The following TRIM41 variants were observed in gnomAD, a reference collection of about 807,000 sequenced individuals.
The protein encoded by TRIM41 is tripartite motif containing 41.
Under a neutral mutation model 60.6 loss-of-function variants are expected in TRIM41, and 21 were observed. The observed-to-expected ratio is 0.35, with a 90% CI of 0.25 to 0.50. The LOEUF is 0.50. Among genes scored for constraint, TRIM41 ranks in the 20% least tolerant of loss-of-function variants. The probability of loss-of-function intolerance (pLI) is 0.98; values close to 1 mark genes in which losing one functional copy is unlikely to be tolerated. For missense variants in TRIM41, 846 were observed against 868.3 expected (o/e 0.97, Z 0.32); for synonymous variants, 407 against 344.9 (o/e 1.18, Z -2.00).
rs370126203 is a variant in TRIM41 at position 181,234,291 on chromosome 5, C to T, written c.1409C>T (p.Ser470Leu). Reference protein sequence around the residue: ...QEVADHPKRFSADCCVLGAQG... With the variant: ...QEVADHPKRFLADCCVLGAQG... The stretch of plus-strand genomic sequence containing the variant: ...GTTGCTGACCATCCCAAGCGCTTCT[C>T]GGCCGACTGCTGCGTACTGGGGGCC... The change falls in exon 6 of 6, where the codon TCG becomes TTG. Residue 470 changes from serine (S) to leucine (L), a missense_variant. By Grantham distance (145) the Ser-to-Leu change is moderately radical. Transcript: ENST00000315073. This position sits in a 1 kb window ranked among gnomAD's most constrained non-coding sequence, Gnocchi z 5.6. 1.4e-4 allele frequency: 220 copies of T among 1,612,758 alleles called. No individual in the cohort carries two copies. Among genetic ancestry groups the T allele is most frequent in the Middle Eastern group, 8.3e-4 (5 of 6,044 alleles).
rs2113134305 is a variant in TRIM41, at chr5:181,223,291, T to TCGGCTGTGGGGAGTAC, written c.-702_-687dup. 1 of 398,870 alleles carries TCGGCTGTGGGGAGTAC rather than the reference T, an allele frequency of 2.5e-6. No homozygotes were observed. The highest frequency in any genetic ancestry group is 4.4e-6 in the Non-Finnish European group (1 of 226,216). 24.7% of individuals were successfully genotyped at this position (398,870 alleles called of 1,614,324 possible). On this transcript the variant is annotated 5_prime_UTR_variant, in exon 1 of 6. Coordinates refer to ENST00000315073, the MANE Select transcript of TRIM41 (RefSeq NM_033549.5). ...CGGACCCACCCCCTCGCTTCCGGCA[T>TCGGCTGTGGGGAGTAC]CGGCTGTGGGGAGTACCGGCTGCAG...
rs767406167 is a variant in TRIM41 at position 181,235,419 on chromosome 5, C to G, written c.*644C>G. On this transcript the variant is annotated 3_prime_UTR_variant, in exon 6 of 6. Transcript: ENST00000315073. Reference sequence around the variant, plus strand: ...GGTCGCCATGATTGAAACCACGCACCATTACATCATCATTACATTAATTAC... The same window carrying G: ...GGTCGCCATGATTGAAACCACGCACGATTACATCATCATTACATTAATTAC... The G allele has an allele frequency of 1.9e-6, 3 of 1,613,874 alleles. No individual in the cohort carries two copies. The highest frequency in any genetic ancestry group is 3.3e-5 in the Admixed American group (2 of 59,992).
At position 181,234,598 on chromosome 5, in the gene TRIM41, C is replaced by T; in HGVS notation, c.1716C>T (p.Pro572=). Reference sequence around the variant, plus strand: ...CCACAGAACAGACGCTGCTGAGCCCCAGTGAGAAACCAAGGCGCTTTGGTG... The same window carrying T: ...CCACAGAACAGACGCTGCTGAGCCCTAGTGAGAAACCAAGGCGCTTTGGTG... ...QSSTEQTLLS[P]SEKPRRFGVY... Residue 572 remains proline, a synonymous_variant, in exon 6 of 6, where the codon CCC becomes CCT. Transcript: ENST00000315073. The surrounding 1 kb of genome is among the most constrained non-coding windows in gnomAD (Gnocchi z 5.6). 2.5e-6 allele frequency: 4 copies of T among 1,614,250 alleles called. No individual in the cohort carries two copies. Among genetic ancestry groups the T allele is most frequent in the African/African-American group, 1.3e-5 (1 of 75,070 alleles).
intron 1 of TRIM41, chr5:181,230,066 A>G (rs1373166641): frequency 6.6e-6 from 1 of 152,272 alleles, no homozygotes; most frequent in Non-Finnish European, 1.5e-5. Context: ...GTTCTGGGGA[A>G]GATCGCCTGT....
In TRIM41 at chr5:181,223,520, C is replaced by T. The variant is rs1156962437; in HGVS notation, c.-480C>T. 2.4e-6 allele frequency: 1 copy of T among 421,392 alleles called. No individual in the cohort carries two copies. 26.1% of individuals were successfully genotyped at this position (421,392 alleles called of 1,614,324 possible). ...CCTCCACCGTCCTAGCCCTCCCGCC[C>T]TGTTCTCTAGTGCGGACTAGAGCGT... On this transcript the variant is annotated 5_prime_UTR_variant, in exon 1 of 6. Transcript: ENST00000315073.
rs1758371556 is a variant in TRIM41, at chr5:181,223,398, T to C, written c.-602T>C. The C allele has an allele frequency of 5.0e-6, 2 of 399,992 alleles. No homozygotes were observed. The highest frequency in any genetic ancestry group is 8.8e-6 in the Non-Finnish European group (2 of 227,112). The allele number at this position is 399,992 out of a possible 1,614,324, so 24.8% of individuals were successfully genotyped here. Reference sequence around the variant, plus strand: ...GCAGACGGCCGCCAGGCGCTCCCCCTACCCCCCGAAGTTTCTCCCCAGCGG... The same window carrying C: ...GCAGACGGCCGCCAGGCGCTCCCCCCACCCCCCGAAGTTTCTCCCCAGCGG... On this transcript the variant is annotated 5_prime_UTR_variant, in exon 1 of 6. Coordinates refer to ENST00000315073, the MANE Select transcript of TRIM41 (RefSeq NM_033549.5).
In TRIM41 at chr5:181,235,583, C is replaced by G. The variant is rs1396443098; in HGVS notation, c.*808C>G. The G allele has an allele frequency of 5.3e-6, 4 of 757,526 alleles. No individual in the cohort carries two copies. Among genetic ancestry groups the G allele is most frequent in the African/African-American group, 1.8e-5 (1 of 57,016 alleles). 46.9% of individuals were successfully genotyped at this position (757,526 alleles called of 1,614,324 possible). On this transcript the variant is annotated 3_prime_UTR_variant, in exon 6 of 6. Transcript: ENST00000315073. ...TTGTTCAGTGGAGCTGGCTTTTCTCCCAGCCCCTTTCCATGCCTTTCACTC... is the reference window on the plus strand; with the variant it reads ...TTGTTCAGTGGAGCTGGCTTTTCTCGCAGCCCCTTTCCATGCCTTTCACTC...
Position 181,234,545 on chromosome 5 carries a change from A to T in TRIM41, c.1663A>T (p.Asn555Tyr). The T allele has an allele frequency of 6.2e-7, 1 of 1,614,142 alleles. No individual in the cohort carries two copies. The highest frequency in any genetic ancestry group is 8.5e-7 in the Non-Finnish European group (1 of 1,179,994). Residue 555 changes from asparagine (N) to tyrosine (Y), a missense_variant, in exon 6 of 6, where the codon AAC becomes TAC. Coordinates refer to ENST00000315073, the MANE Select transcript of TRIM41 (RefSeq NM_033549.5). The surrounding 1 kb of genome is among the most constrained non-coding windows in gnomAD (Gnocchi z 5.6). ...LQREVWCVGT[N>Y]GKRYQAQSST... Reference sequence around the variant, plus strand: ...GCGGGAAGTGTGGTGCGTGGGCACCAACGGCAAACGCTATCAGGCCCAGAG... The same window carrying T: ...GCGGGAAGTGTGGTGCGTGGGCACCTACGGCAAACGCTATCAGGCCCAGAG...
rs1169408104 is a variant in TRIM41, at chr5:181,235,351, T to C, written c.*576T>C. The C allele has an allele frequency of 1.2e-6, 2 of 1,614,064 alleles. No homozygotes were observed. The highest frequency in any genetic ancestry group is 1.3e-5 in the African/African-American group (1 of 74,912). ...CTTCCGTCCTCAATTTCTACCTCCA[T>C]AGACCGGCCAGAATTTAGCTTCACT... On this transcript the variant is annotated 3_prime_UTR_variant, in exon 6 of 6. Coordinates refer to ENST00000315073, the MANE Select transcript of TRIM41 (RefSeq NM_033549.5).
At position 181,234,227 on chromosome 5, in the gene TRIM41, G is replaced by C; in HGVS notation, c.1345G>C (p.Asp449His). 6.2e-7 allele frequency: 1 copy of C among 1,613,338 alleles called. No individual in the cohort carries two copies. Among genetic ancestry groups the C allele is most frequent in the Non-Finnish European group, 8.5e-7 (1 of 1,179,970 alleles). Reference sequence around the variant, plus strand: ...TCACCCGGCCCTGATGCTGTCCCCTGACCGCCGGGGGGTCCGCCTGGCAGA... The same window carrying C: ...TCACCCGGCCCTGATGCTGTCCCCTCACCGCCGGGGGGTCCGCCTGGCAGA... ...TAHPALMLSPDRRGVRLAERR... is the reference protein window; with the variant it reads ...TAHPALMLSPHRRGVRLAERR... The change falls in exon 6 of 6, where the codon GAC (aspartate) becomes CAC (histidine). Residue 449 changes from aspartate to histidine, a missense_variant. Transcript: ENST00000315073. This position sits in a 1 kb window ranked among gnomAD's most constrained non-coding sequence, Gnocchi z 5.6.
At position 181,232,834 on chromosome 5, in the gene TRIM41, G is replaced by T; in HGVS notation, c.1085G>T (p.Arg362Leu). The T allele has an allele frequency of 6.4e-7, 1 of 1,565,794 alleles. No individual in the cohort carries two copies. Among genetic ancestry groups the T allele is most frequent in the Non-Finnish European group, 8.6e-7 (1 of 1,157,934 alleles). The change falls in exon 3 of 6, where the codon CGC becomes CTC. Residue 362 changes from arginine (R) to leucine (L), a missense_variant. Transcript: ENST00000315073. Reference sequence around the variant, plus strand: ...GCAGAACAGGCCGCCCAGCTCAGCCGCCTGCTGGCAGAGGCCCAGGAGCGG... The same window carrying T: ...GCAGAACAGGCCGCCCAGCTCAGCCTCCTGCTGGCAGAGGCCCAGGAGCGG... ...RLAEQAAQLS[R>L]LLAEAQERSQ...
In TRIM41 at chr5:181,234,697, G is replaced by A. The variant is rs191299033; in HGVS notation, c.1815G>A (p.Ser605=). 1.3e-4 allele frequency: 211 copies of A among 1,614,142 alleles called. No homozygotes were observed. The East Asian group carries it at 3.6e-3, about 28-fold the overall frequency. The change falls in exon 6 of 6, where the codon TCG becomes TCA. Residue 605 remains serine (S), a synonymous_variant. Transcript: ENST00000315073. The surrounding 1 kb of genome is among the most constrained non-coding windows in gnomAD (Gnocchi z 5.6). The part of the protein sequence containing the change: ...AETLAHVHTF[S]AAFLGERVFP... Reference sequence around the variant, plus strand: ...CTCTAGCCCACGTGCACACCTTCTCGGCTGCCTTCCTGGGCGAGCGTGTCT... The same window carrying A: ...CTCTAGCCCACGTGCACACCTTCTCAGCTGCCTTCCTGGGCGAGCGTGTCT...
Position 181,235,600 on chromosome 5 carries a change from C to T in TRIM41, c.*825C>T, listed in dbSNP as rs559207409. On this transcript the variant is annotated 3_prime_UTR_variant, in exon 6 of 6. Transcript: ENST00000315073. ...CTTTTCTCCCAGCCCCTTTCCATGC[C>T]TTTCACTCCATTTGGCAAGCTCTGA... 9.0e-6 allele frequency: 6 copies of T among 666,506 alleles called. No individual in the cohort carries two copies. The highest frequency in any genetic ancestry group is 2.8e-5 in the East Asian group (1 of 35,710). 41.3% of individuals were successfully genotyped at this position (666,506 alleles called of 1,614,324 possible).
Position 181,235,411 on chromosome 5 carries a change from C to T in TRIM41, c.*636C>T. The stretch of plus-strand genomic sequence containing the variant: ...TCTGGAATGGTCGCCATGATTGAAA[C>T]CACGCACCATTACATCATCATTACA... On this transcript the variant is annotated 3_prime_UTR_variant, in exon 6 of 6. Coordinates refer to ENST00000315073, the MANE Select transcript of TRIM41 (RefSeq NM_033549.5). The T allele has an allele frequency of 6.2e-7, 1 of 1,614,126 alleles. No individual in the cohort carries two copies. The highest frequency in any genetic ancestry group is 8.5e-7 in the Non-Finnish European group (1 of 1,179,996).
intron 1 of TRIM41, chr5:181,228,952 A>AAAAC (rs1758675960): frequency 6.7e-6 from 1 of 149,924 alleles, no homozygotes. Flanking sequence ...AAAAAAAAAA[A>AAAAC]AAAAAACAGT....
At position 181,232,786 on chromosome 5, in the gene TRIM41, C is replaced by T. The variant is rs762498501; in HGVS notation, c.1037C>T (p.Ala346Val). 8.7e-6 allele frequency: 14 copies of T among 1,609,228 alleles called. No homozygotes were observed. Among genetic ancestry groups the T allele is most frequent in the East Asian group, 4.5e-5 (2 of 44,802 alleles). The part of the protein sequence containing the change: ...REMHEAQLGR[A>V]GAAASRLAEQ... ...ATGCATGAAGCCCAGCTGGGGCGTG[C>T]GGGAGCCGCGGCTAGTCGCCTTGCA... Residue 346 changes from alanine to valine, a missense_variant, in exon 3 of 6, where the codon GCG (alanine) becomes GTG (valine). Physicochemically the swap from Ala to Val is moderately conservative, Grantham distance 64. Transcript: ENST00000315073.
rs1758419417 is a variant in TRIM41, at chr5:181,224,053, G to A, written c.54G>A (p.Ala18=). 2 of 1,614,234 alleles carry A rather than the reference G, an allele frequency of 1.2e-6. No homozygotes were observed. Among genetic ancestry groups the A allele is most frequent in the Non-Finnish European group, 8.5e-7 (1 of 1,180,048 alleles). The change falls in exon 1 of 6, where the codon GCG becomes GCA. Residue 18 remains alanine, a synonymous_variant. Coordinates refer to ENST00000315073, the MANE Select transcript of TRIM41 (RefSeq NM_033549.5). ...CTGTGCAGACCCTTCAGGAGGAGGC[G>A]GTGTGCGCCATCTGCCTCGATTACT... ...PNPVQTLQEE[A]VCAICLDYFT...
intron 2 of TRIM41, chr5:181,231,617 G>C (rs550847974): frequency 1.3e-5 from 2 of 152,660 alleles, no homozygotes; most frequent in East Asian, 1.9e-4. Flanking sequence ...TAGGGACTCT[G>C]CTGCTGGCGA....
intron 1 of TRIM41, chr5:181,227,650 CA>C (rs1458917445): frequency 6.6e-6 from 1 of 152,078 alleles, no homozygotes; most frequent in Non-Finnish European, 1.5e-5. Context: ...CGCCCAGCCA[CA>C]AGTGGGTCAT....
Sources: allele counts gnomAD v4.1 joint callset, GRCh38; gene constraint gnomAD v4.1.1; non-coding constraint Gnocchi (gnomAD v3.1); transcripts MANE v1.5; gene names NCBI Gene and HGNC (gene_info 2026-07-23, HGNC 2026-07-21).